The following GALNT13 variants were observed in gnomAD, a reference collection of about 807,000 sequenced individuals.
GALNT13 encodes polypeptide N-acetylgalactosaminyltransferase 13, also known as UDP-GalNAc:polypeptide N-acetylgalactosaminyltransferase 13.
In GALNT13, 28 loss-of-function variants were observed where a neutral mutation model predicts 64.2. That is an observed-to-expected ratio of 0.44 (90% CI 0.32 to 0.60). GALNT13 has a LOEUF of 0.60. GALNT13 is among the 20% of genes least tolerant of loss of function. GALNT13 has a pLI of 0.05. For synonymous variants in GALNT13, 214 were observed against 224.6 expected (o/e 0.95, Z 0.42); for missense variants, 577 against 669.8 (o/e 0.86, Z 1.53).
At chr2:153,928,804 A>T (rs575001665) in intron 2 of GALNT13, among the ~76,000 whole-genome samples, 1 of 152,288 alleles carries the variant, frequency 6.6e-6, no homozygotes, top group African/African-American at 2.4e-5. Context: ...TGACAACCAT[A>T]GCATCTTCAT....
the GALNT13 span, among the ~76,000 whole-genome samples, chr2:153,757,254 A>G: frequency 6.6e-6 from 1 of 152,162 alleles, no homozygotes; most frequent in Admixed American, 6.6e-5. Flanking sequence ...GCTTCCACAT[A>G]CAAGAACATG....
the GALNT13 span, among the ~76,000 whole-genome samples, chr2:153,440,113 C>A: frequency 6.6e-6 from 1 of 152,046 alleles, no homozygotes; most frequent in Non-Finnish European, 1.5e-5. Flanking sequence ...CCCCCCACCC[C>A]CAACAGGCCA....
At chr2:153,139,842 A>G in the GALNT13 span, among the ~76,000 whole-genome samples, 1 of 152,004 alleles carries the variant, frequency 6.6e-6, no homozygotes, top group Non-Finnish European at 1.5e-5. Context: ...TGAGTAATGT[A>G]TTTGAGATTA....
chr2:153,981,980 C>A (rs17511403), intron 3 of GALNT13, among the ~76,000 whole-genome samples: 31,016 of 151,764 alleles, frequency 0.2, 4,079 homozygotes, highest in Middle Eastern at 0.33. Flanking sequence ...TAGTCTTGTC[C>A]TTTTTCTTGC....
At chr2:153,199,883 T>C in the GALNT13 span, among the ~76,000 whole-genome samples, 1 of 152,150 alleles carries the variant, frequency 6.6e-6, no homozygotes, top group Non-Finnish European at 1.5e-5. Flanking sequence ...GATGATACAG[T>C]GCCATGAGAA....
the GALNT13 span, among the ~76,000 whole-genome samples, chr2:153,450,577 A>ATTTT: frequency 1.9e-4 from 28 of 147,092 alleles, no homozygotes; most frequent in African/African-American, 5.7e-4. Context: ...CTAGGTTTGA[A>ATTTT]TTTTTTTTTT....
chr2:153,355,708 G>T, the GALNT13 span, among the ~76,000 whole-genome samples: 7 of 152,072 alleles, frequency 4.6e-5, no homozygotes, highest in African/African-American at 7.2e-5. Flanking sequence ...GTGATTTACT[G>T]GTCCTCTTTA....
intron 4 of GALNT13, among the ~76,000 whole-genome samples, chr2:154,150,549 C>T (rs990499761): frequency 6.6e-6 from 1 of 152,070 alleles, no homozygotes; most frequent in South Asian, 2.1e-4. Context: ...GCTGTGAATC[C>T]ATCTGGTCCT....
intron 8 of GALNT13, among the ~76,000 whole-genome samples, chr2:154,301,137 TAACTACTAGA>T (rs1308548007): frequency 6.6e-6 from 1 of 152,200 alleles, no homozygotes; most frequent in Admixed American, 6.5e-5. Flanking sequence ...GCAATTAGGT[TAACTACTAGA>T]AACTAGAAAT....
At chr2:153,858,951 C>A in the GALNT13 span, among the ~76,000 whole-genome samples, 2 of 152,162 alleles carry the variant, frequency 1.3e-5, no homozygotes. Context: ...CCAGGCTGGT[C>A]TCACACTCCT....
the GALNT13 span, among the ~76,000 whole-genome samples, chr2:153,819,018 C>T: frequency 6.6e-6 from 1 of 152,130 alleles, no homozygotes; most frequent in Admixed American, 6.5e-5. Flanking sequence ...ACACATTCTC[C>T]AGCGGGCCAT....
intron 2 of GALNT13, among the ~76,000 whole-genome samples, chr2:153,940,194 G>A (rs905392644): frequency 6.6e-6 from 1 of 150,658 alleles, no homozygotes; most frequent in Admixed American, 6.6e-5. Flanking sequence ...GTGTGATGTG[G>A]TTATTACAGT....
chr2:153,458,611 T>C, the GALNT13 span, among the ~76,000 whole-genome samples: 1 of 152,200 alleles, frequency 6.6e-6, no homozygotes, highest in Admixed American at 6.5e-5. Context: ...TTACATCTAC[T>C]TGGGTGATAT....
intron 8 of GALNT13, among the ~76,000 whole-genome samples, chr2:154,271,993 G>C (rs1691380278): frequency 6.6e-6 from 1 of 151,378 alleles, no homozygotes; most frequent in African/African-American, 2.4e-5. Flanking sequence ...CCTGAAAGAT[G>C]GACAGGAATT....
chr2:154,256,341 G>T (rs1003444356), intron 7 of GALNT13, among the ~76,000 whole-genome samples: 6 of 152,170 alleles, frequency 3.9e-5, no homozygotes, highest in Admixed American at 2.0e-4. Context: ...TGCTGACATG[G>T]CAGAGCCTTG....
intron 3 of GALNT13, among the ~76,000 whole-genome samples, chr2:154,047,758 A>G (rs1012179738): frequency 7.2e-5 from 11 of 152,158 alleles, no homozygotes; most frequent in African/African-American, 2.7e-4. Flanking sequence ...CTTAAAGCAG[A>G]TTTCTCACCT....
In GALNT13 at chr2:154,245,934, C is replaced by A. The variant is rs1477192860; in HGVS notation, c.809C>A (p.Pro270His). The part of the protein sequence containing the change: ...WKLNFRWYPV[P>H]QREMDRRKGD... ...CTGAATTTCCGCTGGTATCCTGTTC[C>A]CCAAAGAGAAATGGACAGGAGGAAA... Residue 270 changes from proline to histidine, a missense_variant, in exon 7 of 13, where the codon CCC becomes CAC. By Grantham distance (77) the Pro-to-His change is moderately conservative. Around this residue, in one of 3 missense-constraint regions of GALNT13, gnomAD observed 341 missense variants for 379.3 expected, o/e 0.90. Coordinates refer to ENST00000392825, the MANE Select transcript of GALNT13 (RefSeq NM_052917.4). 1 of 1,613,058 alleles carries A rather than the reference C, an allele frequency of 6.2e-7. No individual in the cohort carries two copies. Among genetic ancestry groups the A allele is most frequent in the South Asian group, 1.1e-5 (1 of 91,022 alleles).
intron 3 of GALNT13, among the ~76,000 whole-genome samples, chr2:153,972,539 A>G (rs528028607): frequency 2.4e-4 from 36 of 152,264 alleles, no homozygotes; most frequent in Admixed American, 7.2e-4. Context: ...ACCAACTTAT[A>G]TAAGTAGGCT....
intron 4 of GALNT13, among the ~76,000 whole-genome samples, chr2:154,178,086 A>G (rs1384899675): frequency 6.6e-6 from 1 of 152,122 alleles, no homozygotes; most frequent in Non-Finnish European, 1.5e-5. Context: ...GTCTTCTGTT[A>G]CTACTGTGCT....
Sources: gnomAD v4.1 joint callset for allele counts (sites outside exome capture counted in the v4.1 genomes callset) on GRCh38, gnomAD v4.1.1 for gene constraint, gnomAD v4.1.1 regional missense constraint, MANE v1.5 for transcripts, NCBI Gene and HGNC (gene_info 2026-07-23, HGNC 2026-07-21) for gene names.